Variants in PCDH15 observed in about 807,000 individuals in gnomAD.
PCDH15 encodes protocadherin related 15, also known as protocadherin-15.
PCDH15 carries 129 observed loss-of-function variants against 178.5 expected under a neutral mutation model. That is an observed-to-expected ratio of 0.72 (90% CI 0.63 to 0.84). The LOEUF (loss-of-function observed/expected upper bound fraction) is 0.84. PCDH15 is among the 40% of genes least tolerant of loss of function. The pLI, the probability that PCDH15 is intolerant of heterozygous loss-of-function variation, is 0.00. For missense variants in PCDH15, 2,230 were observed against 2,099.9 expected (o/e 1.06, Z -1.21); for synonymous variants, 800 against 732.0 (o/e 1.09, Z -1.50).
chr10:54,031,892 T>C (rs2093304989), intron 18 of PCDH15, among the ~76,000 whole-genome samples: 1 of 152,060 alleles, frequency 6.6e-6, no homozygotes. Context: ...TTTTCCCTTT[T>C]TCAAATATTC....
chr10:54,793,711 C>CAT (rs1218299283), intron 1 of PCDH15, among the ~76,000 whole-genome samples: 8 of 147,532 alleles, frequency 5.4e-5, no homozygotes, highest in South Asian at 2.1e-4. Context: ...CATATATATA[C>CAT]ATATATATAC....
chr10:54,164,027 A>G (rs1199104123), intron 13 of PCDH15, among the ~76,000 whole-genome samples: 1 of 152,138 alleles, frequency 6.6e-6, no homozygotes, highest in Non-Finnish European at 1.5e-5. Context: ...CGAAGTTTGG[A>G]CAGACTAAGA....
intron 3 of PCDH15, among the ~76,000 whole-genome samples, chr10:54,863,925 T>A (rs1386697857): frequency 6.6e-6 from 1 of 152,166 alleles, no homozygotes; most frequent in Non-Finnish European, 1.5e-5. Context: ...AATGTTTGAA[T>A]ACTTGCCTAA....
At chr10:55,201,021 T>C (rs564940734) in intron 1 of PCDH15, among the ~76,000 whole-genome samples, 3 of 152,210 alleles carry the variant, frequency 2.0e-5, no homozygotes, top group African/African-American at 7.2e-5. Context: ...GTCTAGAGAT[T>C]GATTAATGAC....
At chr10:54,274,165 A>G (rs1270928242) in intron 8 of PCDH15, among the ~76,000 whole-genome samples, 1 of 151,754 alleles carries the variant, frequency 6.6e-6, no homozygotes, top group East Asian at 1.9e-4. Flanking sequence ...GAGGGAGAAG[A>G]CAAAAAAAAT....
chr10:54,968,150 G>A (rs144276124), intron 2 of PCDH15, among the ~76,000 whole-genome samples: 99 of 152,216 alleles, frequency 6.5e-4, no homozygotes, highest in African/African-American at 2.0e-3. Flanking sequence ...AATGGTAGAC[G>A]TATATATGTA....
chr10:54,617,148 G>T (rs989940171), intron 2 of PCDH15, among the ~76,000 whole-genome samples: 2 of 107,532 alleles, frequency 1.9e-5, no homozygotes, highest in African/African-American at 6.2e-5. Context: ...CACCAGCCTT[G>T]GCCTCCCAAA....
rs184710149 is a variant in PCDH15, at chr10:55,476,765, G to C, written c.-156+150860C>G. On this transcript the variant is annotated intron_variant, in intron 2 of 5. Transcript: ENST00000613346. ...ATCAAACCAATGTTAAAATCTGTAG[G>C]ATTTTCCTTCCAAGCACTCTTGCAT... Among the ~76,000 whole-genome samples, 3 of 152,034 alleles carry C rather than the reference G, an allele frequency of 2.0e-5. No homozygotes were observed. The South Asian group carries it at 6.2e-4, about 32-fold the overall frequency.
chr10:54,087,971 C>A (rs12245055), intron 16 of PCDH15, among the ~76,000 whole-genome samples: 4,075 of 152,198 alleles, frequency 0.027, 180 homozygotes, highest in African/African-American at 0.089. Flanking sequence ...GCTGACTCCC[C>A]GCTTTGCCTT....
intron 2 of PCDH15, among the ~76,000 whole-genome samples, chr10:54,656,219 C>G (rs2094403242): frequency 6.6e-6 from 1 of 151,972 alleles, no homozygotes; most frequent in Non-Finnish European, 1.5e-5. Flanking sequence ...GAATGAAACA[C>G]AGTCAGATGA....
At chr10:54,059,467 A>G (rs186308009) in intron 18 of PCDH15, among the ~76,000 whole-genome samples, 32 of 152,292 alleles carry the variant, frequency 2.1e-4, no homozygotes, top group African/African-American at 7.7e-4. Flanking sequence ...TTTTTCCTCT[A>G]ACACATAATA....
chr10:54,581,084 T>A (rs777035834), intron 2 of PCDH15, among the ~76,000 whole-genome samples: 9 of 152,050 alleles, frequency 5.9e-5, no homozygotes, highest in Non-Finnish European at 1.0e-4. Flanking sequence ...AATGCAGTAC[T>A]GGAAATCTTA....
At chr10:53,883,425 C>T (rs925702556) in intron 26 of PCDH15, among the ~76,000 whole-genome samples, 1 of 151,970 alleles carries the variant, frequency 6.6e-6, no homozygotes, top group East Asian at 1.9e-4. Flanking sequence ...ATCATCATCT[C>T]CTTTTTCTCT....
intron 1 of PCDH15, among the ~76,000 whole-genome samples, chr10:55,259,506 C>T (rs1420240338): frequency 1.3e-5 from 2 of 152,126 alleles, no homozygotes. Flanking sequence ...AAATGGAAGA[C>T]TTTTGCAATT....
intron 8 of PCDH15, among the ~76,000 whole-genome samples, chr10:54,254,733 TGTA>T (rs1477458575): frequency 6.6e-6 from 1 of 152,226 alleles, no homozygotes; most frequent in East Asian, 1.9e-4. Flanking sequence ...GTTTTGTCCT[TGTA>T]GTAGAGGTGA....
chr10:54,832,420 G>C (rs1953240074), intron 3 of PCDH15, among the ~76,000 whole-genome samples: 1 of 152,162 alleles, frequency 6.6e-6, no homozygotes, highest in Non-Finnish European at 1.5e-5. Flanking sequence ...TTGTTGATAT[G>C]TTTTAAACAG....
At chr10:54,483,625 T>A (rs1024638967) in intron 3 of PCDH15, among the ~76,000 whole-genome samples, 2 of 151,764 alleles carry the variant, frequency 1.3e-5, no homozygotes, top group Non-Finnish European at 2.9e-5. Flanking sequence ...GGATCGCAGG[T>A]GATAAAAACA....
chr10:54,705,593 A>G (rs1031087593), intron 1 of PCDH15, among the ~76,000 whole-genome samples: 6 of 152,254 alleles, frequency 3.9e-5, no homozygotes, highest in African/African-American at 7.2e-5. Flanking sequence ...TGTTTATGAC[A>G]TAAGTGACCA....
chr10:55,240,879 G>C (rs1841522833), intron 1 of PCDH15, among the ~76,000 whole-genome samples: 1 of 152,098 alleles, frequency 6.6e-6, no homozygotes, highest in Non-Finnish European at 1.5e-5. Flanking sequence ...CCAAAAAATT[G>C]ATTGTTATAA....
Sources: gnomAD v4.1 joint callset for allele counts (sites outside exome capture counted in the v4.1 genomes callset) on GRCh38, gnomAD v4.1.1 for gene constraint, MANE v1.5 for transcripts, NCBI Gene and HGNC (gene_info 2026-07-23, HGNC 2026-07-21) for gene names.